The following CERK variants were observed in gnomAD, a reference collection of about 807,000 sequenced individuals.
CERK encodes the protein acylsphingosine kinase.
Under a neutral mutation model 63.4 loss-of-function variants are expected in CERK, and 39 were observed. The ratio of observed to expected loss-of-function variants is 0.61; its 90% confidence interval spans 0.48 to 0.80. CERK has a LOEUF of 0.80. Among genes scored for constraint, CERK ranks in the 30% least tolerant of loss-of-function variants. CERK has a pLI of 0.00. For synonymous variants in CERK, 302 were observed against 280.0 expected (o/e 1.08, Z -0.78); for missense variants, 670 against 714.1 (o/e 0.94, Z 0.70).
chr22:46,737,631 G>GGGGA (rs2082981458), intron 1 of CERK, among the ~76,000 whole-genome samples: 1 of 127,876 alleles, frequency 7.8e-6, no homozygotes, highest in African/African-American at 2.5e-5. Flanking sequence ...TGCGCGCGGT[G>GGGGA]GGGAGCGCCT....
In CERK at chr22:46,701,514, G is replaced by A. The variant is rs79996349; in HGVS notation, c.790+122C>T. ...CAGCGAGCAGAGCAGGGGACACAGC[G>A]TGACCCACGGCCAGGACAGGACGGC... is the stretch of plus-strand genomic sequence containing the variant. On this transcript the variant is annotated intron_variant, in intron 7 of 12. Coordinates refer to ENST00000216264, the MANE Select transcript of CERK (RefSeq NM_022766.6). 9,518 of 779,172 alleles carry A rather than the reference G, an allele frequency of 0.012. 602 individuals carry two copies. In the African/African-American group the frequency reaches 0.15, roughly 12 times the overall value. 48.3% of individuals were successfully genotyped at this position (779,172 alleles called of 1,614,324 possible).
chr22:46,695,342 A>G, intron 8 of CERK, 27 bp from the exon 9 acceptor site: 4 of 1,292,892 alleles, frequency 3.1e-6, no homozygotes, highest in Non-Finnish European at 4.5e-6. Flanking sequence ...GTGAAGAAAA[A>G]ACATCCACAA....
intron 10 of CERK, 63 bp from the exon 11 acceptor site, chr22:46,691,840 A>G: frequency 3.6e-6 from 5 of 1,374,894 alleles, no homozygotes; most frequent in Non-Finnish European, 5.0e-6. Flanking sequence ...GCCCTGCACC[A>G]GGACGGTGGG....
chr22:46,717,472 G>A (rs966087274), intron 3 of CERK, among the ~76,000 whole-genome samples: 5 of 152,250 alleles, frequency 3.3e-5, no homozygotes, highest in African/African-American at 1.2e-4. Flanking sequence ...GCAGCCCCAC[G>A]CGAGAGCGTG....
rs2082721312 is a variant in CERK, at chr22:46,689,937, G to C, written c.1541+55C>G. 16 of 1,395,014 alleles carry C rather than the reference G, an allele frequency of 1.1e-5. 1 individual carries two copies. In the South Asian group the frequency reaches 2.0e-4, roughly 17 times the overall value. 86.4% of individuals were successfully genotyped at this position (1,395,014 alleles called of 1,614,324 possible). On this transcript the variant is annotated intron_variant, in intron 12 of 12. Coordinates refer to ENST00000216264, the MANE Select transcript of CERK (RefSeq NM_022766.6). ...ACCCTGGGTGGGGCAGCTTGTGACA[G>C]ACACCTCAGGGCTCAAGGGGATGGC...
chr22:46,737,301 A>C (rs536054897), intron 1 of CERK, among the ~76,000 whole-genome samples: 1,796 of 45,126 alleles, frequency 0.04, 42 homozygotes, highest in African/African-American at 0.064. Flanking sequence ...CAAAAAAAAA[A>C]AAAAACAAAA....
intron 4 of CERK, 135 bp from the exon 5 acceptor site, chr22:46,711,284 A>G (rs2082839778): frequency 1.5e-6 from 1 of 682,190 alleles, no homozygotes; most frequent in Admixed American, 2.2e-5. Context: ...TTCCCTCTTC[A>G]ATTCTACATC....
At chr22:46,704,617 G>C (rs1300215933) in intron 6 of CERK, among the ~76,000 whole-genome samples, 1 of 151,960 alleles carries the variant, frequency 6.6e-6, no homozygotes, top group East Asian at 1.9e-4. Context: ...ACGAGGTCAG[G>C]AGTTCAAGAC....
intron 1 of CERK, among the ~76,000 whole-genome samples, chr22:46,733,074 G>A (rs890388842): frequency 2.6e-5 from 4 of 151,104 alleles, no homozygotes; most frequent in African/African-American, 7.3e-5. Context: ...CGGGTGCAAT[G>A]GTGGGTGCCT....
intron 1 of CERK, among the ~76,000 whole-genome samples, chr22:46,732,053 G>A (rs1303071660): frequency 1.3e-5 from 2 of 152,166 alleles, no homozygotes; most frequent in East Asian, 3.8e-4. Context: ...CCCAGTCTGT[G>A]GCAAAAAGGG....
chr22:46,720,292 TA>T, intron 2 of CERK, 84 bp from the exon 3 acceptor site: 1 of 1,508,952 alleles, frequency 6.6e-7, no homozygotes, highest in Admixed American at 2.0e-5. Flanking sequence ...CAAATGCAGC[TA>T]ATTATAGGTT....
chr22:46,693,600 C>T (rs1232269478), intron 9 of CERK, 97 bp from the exon 10 acceptor site: 30 of 1,035,586 alleles, frequency 2.9e-5, no homozygotes, highest in South Asian at 6.8e-5. Flanking sequence ...TTTTCACATA[C>T]GAAAAAATTC....
intron 11 of CERK, among the ~76,000 whole-genome samples, chr22:46,691,199 C>T (rs1384802508): frequency 2.0e-5 from 3 of 152,090 alleles, no homozygotes; most frequent in East Asian, 1.9e-4. Context: ...TTCAGCCTCC[C>T]GAGTAGCTGG....
In CERK at chr22:46,691,685, G is replaced by T. The variant is rs1449118596; in HGVS notation, c.1219C>A (p.Leu407Ile). The T allele has an allele frequency of 6.2e-7, 1 of 1,613,974 alleles. No homozygotes were observed. Among genetic ancestry groups the T allele is most frequent in the Non-Finnish European group, 8.5e-7 (1 of 1,180,002 alleles). The change falls in exon 11 of 13, where the codon CTC becomes ATC. Residue 407 changes from leucine (L) to isoleucine (I), a missense_variant. By Grantham distance (5) the Leu-to-Ile change is conservative (BLOSUM62 2). Coordinates refer to ENST00000216264, the MANE Select transcript of CERK (RefSeq NM_022766.6). ...TCTCCCAAGTGGGCAGCCGGGGAGAGGCCCCTGGGGCTCCGGCGACAAGCA... is the reference window on the plus strand; with the variant it reads ...TCTCCCAAGTGGGCAGCCGGGGAGATGCCCCTGGGGCTCCGGCGACAAGCA... ...SCACRRSPRG[L>I]SPAAHLGDGS... is the part of the protein sequence containing the mutation.
At chr22:46,695,359 T>C (rs749102053) in intron 8 of CERK, 44 bp from the exon 9 acceptor site, 27 of 1,144,418 alleles carry the variant, frequency 2.4e-5, no homozygotes, top group Non-Finnish European at 3.3e-5. Flanking sequence ...ACAAGGGTCA[T>C]TGCTTGGTTA....
chr22:46,703,131 G>A (rs191393997), intron 6 of CERK, among the ~76,000 whole-genome samples: 3 of 152,276 alleles, frequency 2.0e-5, no homozygotes, highest in African/African-American at 4.8e-5. Flanking sequence ...ATGAAGGACC[G>A]AATGAATGAC....
chr22:46,700,782 C>A (rs778169284), intron 7 of CERK, among the ~76,000 whole-genome samples: 1 of 151,744 alleles, frequency 6.6e-6, no homozygotes, highest in African/African-American at 2.4e-5. Context: ...AAGGCCGAGG[C>A]GGGTGGATCA....
rs1228836291 is a variant in CERK, at chr22:46,726,783, C to T, written c.143-5768G>A. ...AAACTGTCCCCCGCCCCTCCCCGCC[C>T]ACCACGTCCACCCTGACACAGCCCT... On this transcript the variant is annotated intron_variant, in intron 1 of 12. Transcript: ENST00000216264. 2.6e-5 allele frequency among the ~76,000 whole-genome samples: 4 copies of T among 151,984 alleles called. No homozygotes were observed. The East Asian group carries it at 7.8e-4, about 29-fold the overall frequency.
At chr22:46,708,191 A>C (rs970678099) in intron 5 of CERK, among the ~76,000 whole-genome samples, 2 of 152,128 alleles carry the variant, frequency 1.3e-5, no homozygotes, top group African/African-American at 4.8e-5. Context: ...AAATAATGAG[A>C]TTGATGGCAA....
Sources: gnomAD v4.1 joint callset for allele counts (sites outside exome capture counted in the v4.1 genomes callset) on GRCh38, gnomAD v4.1.1 for gene constraint, MANE v1.5 for transcripts, NCBI Gene and HGNC (gene_info 2026-07-23, HGNC 2026-07-21) for gene names.